Variants in FAM171B observed in about 807,000 individuals in gnomAD.
FAM171B encodes protein FAM171B.
In FAM171B, 19 loss-of-function variants were observed where a neutral mutation model predicts 75.6. The ratio of observed to expected loss-of-function variants is 0.25; its 90% CI spans 0.18 to 0.37. FAM171B has a LOEUF of 0.37. Among genes scored for constraint, FAM171B ranks in the 10% least tolerant of loss-of-function variants. FAM171B has a pLI of 1.00. For synonymous variants in FAM171B, 367 were observed against 361.7 expected (o/e 1.01, Z -0.17); for missense variants, 848 against 982.4 (o/e 0.86, Z 1.83).
intron 1 of FAM171B, among the ~76,000 whole-genome samples, chr2:186,734,117 T>C (rs1690162547): frequency 6.6e-6 from 1 of 152,168 alleles, no homozygotes; most frequent in African/African-American, 2.4e-5. Flanking sequence ...TGAGTGAAAG[T>C]AGAGCTCTCA....
Position 186,765,066 on chromosome 2 carries a change from T to C in FAM171B, c.*2243T>C, listed in dbSNP as rs1296444254. ...TTATTATTTTTTACACTGCACATGC[T>C]GTTCTCAATTGGTAATTATAGGCAA... On this transcript the variant is annotated 3_prime_UTR_variant, in exon 8 of 8. Coordinates refer to ENST00000304698, the MANE Select transcript of FAM171B (RefSeq NM_177454.4). The C allele has an allele frequency of 6.6e-6, 1 of 152,022 alleles. No individual in the cohort carries two copies. Among genetic ancestry groups the C allele is most frequent in the Non-Finnish European group, 1.5e-5 (1 of 67,916 alleles). The allele number at this position is 152,022 out of a possible 1,614,324, so 9.4% of individuals were successfully genotyped here.
intron 1 of FAM171B, among the ~76,000 whole-genome samples, chr2:186,706,556 T>C (rs1689735932): frequency 6.6e-6 from 1 of 152,196 alleles, no homozygotes; most frequent in Admixed American, 6.5e-5. Context: ...CTCGGCACAT[T>C]CTGGTGTTCC....
At chr2:186,707,268 A>G (rs1184232435) in intron 1 of FAM171B, among the ~76,000 whole-genome samples, 1 of 151,268 alleles carries the variant, frequency 6.6e-6, no homozygotes, top group African/African-American at 2.4e-5. Flanking sequence ...GAGTGAGTGT[A>G]GTTGATGCTG....
chr2:186,743,386 A>G, intron 2 of FAM171B, 97 bp from the exon 3 acceptor site: 1 of 750,384 alleles, frequency 1.3e-6, no homozygotes, highest in Non-Finnish European at 2.2e-6. Flanking sequence ...CCCCCCCACA[A>G]CACACTTTTT....
Position 186,743,505 on chromosome 2 carries a change from A to T in FAM171B, c.495A>T (p.Ser165=), listed in dbSNP as rs759418419. The T allele has an allele frequency of 6.2e-7, 1 of 1,611,980 alleles. No homozygotes were observed. Among genetic ancestry groups the T allele is most frequent in the Admixed American group, 1.7e-5 (1 of 59,976 alleles). Residue 165 remains serine, a synonymous_variant, in exon 3 of 8, where the codon TCA becomes TCT. Coordinates refer to ENST00000304698, the MANE Select transcript of FAM171B (RefSeq NM_177454.4). The stretch of plus-strand genomic sequence containing the variant: ...CAGTATATTCATCAGTTACACTTTC[A>T]CTGTTCCCGCAAAGCCAAGCAAATA... ...RMPIYSSVTL[S]LFPQSQANIW...
rs775117626 is a variant in FAM171B at position 186,694,347 on chromosome 2, G to A, written c.174G>A (p.Gln58=). 75 of 1,612,876 alleles carry A rather than the reference G, an allele frequency of 4.7e-5. No homozygotes were observed. The highest frequency in any genetic ancestry group is 6.0e-5 in the Non-Finnish European group (71 of 1,179,590). The change falls in exon 1 of 8, where the codon CAG becomes CAA. Residue 58 remains glutamine, a synonymous_variant. Transcript: ENST00000304698. Reference sequence around the variant, plus strand: ...AACAACAACAACAACAGCAAAAGCAGCTGGAGGAGGCTGAGGAGGAGAGGA... The same window carrying A: ...AACAACAACAACAACAGCAAAAGCAACTGGAGGAGGCTGAGGAGGAGAGGA... The part of the protein sequence containing the change: ...QQQQQQQQQK[Q]LEEAEEERTE...
chr2:186,733,530 G>T (rs1286133273), intron 1 of FAM171B, among the ~76,000 whole-genome samples: 5 of 152,180 alleles, frequency 3.3e-5, no homozygotes, highest in African/African-American at 4.8e-5. Flanking sequence ...CAGGCCCACT[G>T]GGCTTGTTCT....
At chr2:186,745,443 A>G (rs1690352439) in intron 3 of FAM171B, among the ~76,000 whole-genome samples, 1 of 152,230 alleles carries the variant, frequency 6.6e-6, no homozygotes, top group African/African-American at 2.4e-5. Context: ...TTGTCTGGAA[A>G]GTACTGGCCA....
intron 1 of FAM171B, among the ~76,000 whole-genome samples, chr2:186,737,065 A>G (rs765552484): frequency 2.0e-5 from 3 of 151,910 alleles, no homozygotes; most frequent in Non-Finnish European, 4.4e-5. Context: ...AAAGTAGCTA[A>G]CTATTTTCCT....
chr2:186,732,616 G>A (rs894587676), intron 1 of FAM171B, among the ~76,000 whole-genome samples: 6 of 152,310 alleles, frequency 3.9e-5, no homozygotes, highest in South Asian at 2.1e-4. Context: ...TCAAATGCAC[G>A]GTTTGATTTT....
chr2:186,729,067 A>G (rs1217351137), intron 1 of FAM171B, among the ~76,000 whole-genome samples: 1 of 152,152 alleles, frequency 6.6e-6, no homozygotes, highest in African/African-American at 2.4e-5. Flanking sequence ...TTTGAATTTT[A>G]GTGATTCTCA....
At chr2:186,713,557 G>A (rs1689836937) in intron 1 of FAM171B, among the ~76,000 whole-genome samples, 1 of 152,100 alleles carries the variant, frequency 6.6e-6, no homozygotes, top group African/African-American at 2.4e-5. Flanking sequence ...GGTTGAATAG[G>A]TAGGGCGAGA....
At position 186,764,817 on chromosome 2, in the gene FAM171B, A is replaced by G. The variant is rs1690676581; in HGVS notation, c.*1994A>G. The G allele has an allele frequency of 6.6e-6, 1 of 151,954 alleles. No individual in the cohort carries two copies. Among genetic ancestry groups the G allele is most frequent in the Non-Finnish European group, 1.5e-5 (1 of 67,888 alleles). The allele number at this position is 151,954 out of a possible 1,614,324, so 9.4% of individuals were successfully genotyped here. ...ATATTGATAAATTGTTTATGTTGGA[A>G]TGAAGTTAGAAACTATATAGCAAAA... is the stretch of plus-strand genomic sequence containing the variant. On this transcript the variant is annotated 3_prime_UTR_variant, in exon 8 of 8. Transcript: ENST00000304698.
At chr2:186,751,005 A>T in intron 4 of FAM171B, 129 bp from the exon 5 acceptor site, 1 of 613,862 alleles carries the variant, frequency 1.6e-6, no homozygotes, top group Non-Finnish European at 2.7e-6. Flanking sequence ...ATGTGTATTC[A>T]GTATCTATTT....
At chr2:186,753,025 A>T (rs940348792) in intron 5 of FAM171B, among the ~76,000 whole-genome samples, 7 of 152,236 alleles carry the variant, frequency 4.6e-5, no homozygotes, top group African/African-American at 1.7e-4. Flanking sequence ...TTTAGTAAAA[A>T]ATTAAGGCCA....
chr2:186,724,279 A>C (rs934095650), intron 1 of FAM171B, among the ~76,000 whole-genome samples: 8 of 152,128 alleles, frequency 5.3e-5, no homozygotes, highest in African/African-American at 1.9e-4. Context: ...CCAGCTTGTC[A>C]AGACTTCTTA....
intron 1 of FAM171B, among the ~76,000 whole-genome samples, chr2:186,736,418 G>A (rs2595378): frequency 2.7e-4 from 41 of 152,026 alleles, no homozygotes; most frequent in Non-Finnish European, 4.3e-4. Flanking sequence ...TTTTTGAAGA[G>A]TAAGTAGAAT....
At position 186,756,473 on chromosome 2, in the gene FAM171B, A is replaced by G. The variant is rs77753959; in HGVS notation, c.1012+2424A>G. Among the ~76,000 whole-genome samples, 785 of 152,294 alleles carry G rather than the reference A, an allele frequency of 5.2e-3. 6 individuals are homozygous for G. The highest frequency in any genetic ancestry group is 0.018 in the African/African-American group (747 of 41,566). On this transcript the variant is annotated intron_variant, in intron 6 of 7. Coordinates refer to ENST00000304698, the MANE Select transcript of FAM171B (RefSeq NM_177454.4). ...AGCCATAACAAAATAACTGCAGAGT[A>G]GTAACTGGCTATTAACAGAAATTTA... is the stretch of plus-strand genomic sequence containing the variant.
chr2:186,738,133 G>C (rs918290800), intron 1 of FAM171B, among the ~76,000 whole-genome samples: 47 of 152,348 alleles, frequency 3.1e-4, no homozygotes, highest in African/African-American at 1.0e-3. Flanking sequence ...CCTGAGGTCT[G>C]AGCTTCCAGA....
Sources: allele counts gnomAD v4.1 joint callset (sites outside exome capture counted in the v4.1 genomes callset), GRCh38; gene constraint gnomAD v4.1.1; transcripts MANE v1.5; gene names NCBI Gene and HGNC (gene_info 2026-07-23, HGNC 2026-07-21).